NRXN1: variants seen among roughly 807,000 people sequenced by gnomAD.
The protein encoded by NRXN1 is neurexin-1.
Under a neutral mutation model 150.9 loss-of-function variants are expected in NRXN1, and 39 were observed. The observed-to-expected ratio is 0.26, with a 90% CI of 0.20 to 0.34. The LOEUF (loss-of-function observed/expected upper bound fraction) is 0.34, where lower values mean the gene tolerates loss of function less well. Among genes scored for constraint, NRXN1 ranks in the 10% least tolerant of loss-of-function variants. The pLI is 1.00. For synonymous variants in NRXN1, 924 were observed against 757.0 expected, an observed-to-expected ratio of 1.22 and a Z score of -3.62; for missense variants, 1,815 against 1,949.9, an observed-to-expected ratio of 0.93 and a Z score of 1.30.
At chr2:50,299,978 G>C (rs1280306865) in intron 17 of NRXN1, among the ~76,000 whole-genome samples, 2 of 152,152 alleles carry the variant, frequency 1.3e-5, no homozygotes, top group African/African-American at 4.8e-5. Context: ...TTCTAGAACA[G>C]AGCCTATCAA....
chr2:50,973,626 C>A (rs1479442856), intron 2 of NRXN1, among the ~76,000 whole-genome samples: 1 of 152,052 alleles, frequency 6.6e-6, no homozygotes, highest in African/African-American at 2.4e-5. Context: ...AGAATTGACA[C>A]TCAAGCGACA....
intron 5 of NRXN1, among the ~76,000 whole-genome samples, chr2:50,750,641 G>A (rs1037266887): frequency 6.6e-6 from 1 of 151,938 alleles, no homozygotes; most frequent in African/African-American, 2.4e-5. Context: ...TGGCTCAGCA[G>A]CGTTGGAGTT....
intron 17 of NRXN1, among the ~76,000 whole-genome samples, chr2:50,422,085 T>C (rs1358046280): frequency 6.6e-6 from 1 of 152,166 alleles, no homozygotes; most frequent in Non-Finnish European, 1.5e-5. Flanking sequence ...GATGTTTGAC[T>C]TTAAAGGAAC....
intron 21 of NRXN1, among the ~76,000 whole-genome samples, chr2:49,964,830 A>G (rs752405963): frequency 1.3e-4 from 20 of 152,098 alleles, no homozygotes; most frequent in Non-Finnish European, 2.6e-4. Context: ...AACAAAAGCA[A>G]AAGTCCATCT....
At chr2:50,640,460 T>C (rs1181068629) in intron 5 of NRXN1, among the ~76,000 whole-genome samples, 6 of 152,192 alleles carry the variant, frequency 3.9e-5, no homozygotes, top group African/African-American at 1.4e-4. Context: ...TATTTTCTCT[T>C]ATAAAGGAGA....
chr2:50,709,164 T>TGAG (rs1241348908), intron 5 of NRXN1, among the ~76,000 whole-genome samples: 1 of 152,040 alleles, frequency 6.6e-6, no homozygotes, highest in African/African-American at 2.4e-5. Flanking sequence ...GCTTACTTGT[T>TGAG]GAGGAATGAG....
At chr2:49,975,892 T>C (rs919056191) in intron 21 of NRXN1, among the ~76,000 whole-genome samples, 1 of 152,150 alleles carries the variant, frequency 6.6e-6, no homozygotes, top group African/African-American at 2.4e-5. Context: ...CATATGTCCT[T>C]ATATGAAGAG....
chr2:50,110,325 C>T (rs1204704906), intron 18 of NRXN1, among the ~76,000 whole-genome samples: 1 of 151,652 alleles, frequency 6.6e-6, no homozygotes, highest in African/African-American at 2.4e-5. Flanking sequence ...CGCGTCTCTA[C>T]TAAAAATACA....
Position 50,383,137 on chromosome 2 carries a change from T to C in NRXN1, c.3364+82305A>G, listed in dbSNP as rs935460649. Among the ~76,000 whole-genome samples, 16 of 152,158 alleles carry C rather than the reference T, an allele frequency of 1.1e-4. 1 individual carries two copies. The highest frequency in any genetic ancestry group is 2.9e-5 in the Non-Finnish European group (2 of 68,034). On this transcript the variant is annotated intron_variant, in intron 17 of 22. Transcript: ENST00000401669. The stretch of plus-strand genomic sequence containing the variant: ...CAGAATGAATTAATGTGAATTGAAA[T>C]TTTCCTAAAACTTTGAATCCCAACT...
chr2:50,682,182 A>T (rs900619936), intron 5 of NRXN1, among the ~76,000 whole-genome samples: 1 of 152,204 alleles, frequency 6.6e-6, no homozygotes, highest in Non-Finnish European at 1.5e-5. Context: ...CCTAAAACTC[A>T]TTCCTCCTTG....
chr2:50,263,157 T>TACAC (rs58442373), intron 17 of NRXN1, among the ~76,000 whole-genome samples: 3,240 of 147,284 alleles, frequency 0.022, 55 homozygotes, highest in East Asian at 0.047. Flanking sequence ...AAAACACACA[T>TACAC]ACACACACAC....
At chr2:50,582,096 C>T (rs996496837) in intron 8 of NRXN1, among the ~76,000 whole-genome samples, 3 of 152,002 alleles carry the variant, frequency 2.0e-5, no homozygotes, top group Non-Finnish European at 2.9e-5. Context: ...TGTTAATAAC[C>T]GGGAAGATTT....
chr2:50,251,780 C>T (rs543757744), intron 17 of NRXN1, among the ~76,000 whole-genome samples: 1 of 152,266 alleles, frequency 6.6e-6, no homozygotes, highest in South Asian at 2.1e-4. Context: ...CTCTAATGAT[C>T]AGTGATGTTG....
intron 2 of NRXN1, chr2:50,985,411 T>C (rs1456695700): frequency 1.3e-5 from 2 of 151,492 alleles, no homozygotes; most frequent in Admixed American, 6.6e-5. Context: ...ATCAGACTTA[T>C]CTTCAACGTC....
intron 17 of NRXN1, among the ~76,000 whole-genome samples, chr2:50,379,088 T>C (rs1449085293): frequency 6.6e-6 from 1 of 151,786 alleles, no homozygotes; most frequent in African/African-American, 2.4e-5. Context: ...CATGCTACAA[T>C]ATGTTTGAAC....
chr2:50,517,508 A>G (rs2092664231), intron 12 of NRXN1, among the ~76,000 whole-genome samples: 1 of 152,118 alleles, frequency 6.6e-6, no homozygotes, highest in Admixed American at 6.6e-5. Context: ...TCCATTCACT[A>G]AGAAAGGTAA....
intron 17 of NRXN1, among the ~76,000 whole-genome samples, chr2:50,397,226 G>A (rs2082107373): frequency 6.6e-6 from 1 of 152,094 alleles, no homozygotes; most frequent in Admixed American, 6.6e-5. Flanking sequence ...AAGGACATGA[G>A]AAACTTAGCC....
At chr2:50,051,504 T>G (rs1375034353) in intron 21 of NRXN1, among the ~76,000 whole-genome samples, 1 of 152,118 alleles carries the variant, frequency 6.6e-6, no homozygotes, top group Non-Finnish European at 1.5e-5. Flanking sequence ...TCATTTTTCC[T>G]GTATCAGATT....
At position 49,927,980 on chromosome 2, in the gene NRXN1, G is replaced by A. The variant is rs944673823; in HGVS notation, c.4217-5729C>T. 5.9e-5 allele frequency among the ~76,000 whole-genome samples: 9 copies of A among 151,964 alleles called. No individual in the cohort carries two copies. In the South Asian group the frequency reaches 1.0e-3, roughly 18 times the overall value. ...TAGACTGTTAATGTATGTGTATGTC[G>A]TCAACTATGAACCTGGCACACCAAG... On this transcript the variant is annotated intron_variant, in intron 22 of 22. Transcript: ENST00000401669.
Sources: allele counts gnomAD v4.1 joint callset (sites outside exome capture counted in the v4.1 genomes callset), GRCh38; gene constraint gnomAD v4.1.1; transcripts MANE v1.5; gene names NCBI Gene and HGNC (gene_info 2026-07-23, HGNC 2026-07-21).